The following NBAS variants were observed in gnomAD, a reference collection of about 807,000 sequenced individuals.
The protein encoded by NBAS is NAG/BC035112 fusion.
A neutral mutation model predicts 302.5 loss-of-function variants in NBAS; 219 were observed. The ratio of observed to expected loss-of-function variants is 0.72; its 90% confidence interval spans 0.65 to 0.81. The LOEUF (loss-of-function observed/expected upper bound fraction) is 0.81. NBAS is among the 30% of genes least tolerant of loss of function. The pLI, the probability that NBAS is intolerant of heterozygous loss-of-function variation, is 0.00. For missense variants in NBAS, 2,932 were observed against 2,841.6 expected (o/e 1.03, Z -0.72); for synonymous variants, 1,118 against 1,021.6 (o/e 1.09, Z -1.80).
intron 9 of NBAS, among the ~76,000 whole-genome samples, chr2:15,514,648 T>C (rs1320280653): frequency 1.3e-5 from 2 of 151,274 alleles, no homozygotes; most frequent in South Asian, 2.1e-4. Flanking sequence ...AATATATATA[T>C]TTGTATTAAA....
chr2:15,305,574 C>T (rs1259850706), intron 40 of NBAS, among the ~76,000 whole-genome samples: 1 of 151,836 alleles, frequency 6.6e-6, no homozygotes, highest in African/African-American at 2.4e-5. Context: ...GCCTCAGCCT[C>T]CCCAGTAGTT....
the NBAS span, among the ~76,000 whole-genome samples, chr2:15,144,672 T>G: frequency 2.0e-5 from 3 of 151,942 alleles, no homozygotes; most frequent in Non-Finnish European, 2.9e-5. Context: ...TGCATATCTA[T>G]CCTCTAAAAA....
the NBAS span, among the ~76,000 whole-genome samples, chr2:15,096,192 T>C: frequency 6.6e-6 from 1 of 152,216 alleles, no homozygotes; most frequent in Non-Finnish European, 1.5e-5. Context: ...GTCCTTCACC[T>C]AAGGGTTTTC....
chr2:15,161,340 T>C, the NBAS span, among the ~76,000 whole-genome samples: 1 of 152,174 alleles, frequency 6.6e-6, no homozygotes, highest in Non-Finnish European at 1.5e-5. Flanking sequence ...GAGCAAAATG[T>C]TTCCCGGTTA....
At chr2:14,967,602 A>C in the NBAS span, among the ~76,000 whole-genome samples, 1 of 152,222 alleles carries the variant, frequency 6.6e-6, no homozygotes, top group African/African-American at 2.4e-5. Flanking sequence ...TTAAAACTAA[A>C]ATTTCTTAGA....
the NBAS span, among the ~76,000 whole-genome samples, chr2:15,131,851 G>C: frequency 1.1e-4 from 16 of 152,148 alleles, no homozygotes; most frequent in Non-Finnish European, 1.5e-4. Flanking sequence ...AGCAGAAGCA[G>C]GCACATCACA....
chr2:15,031,902 A>G, the NBAS span, among the ~76,000 whole-genome samples: 2 of 152,208 alleles, frequency 1.3e-5, no homozygotes, highest in African/African-American at 4.8e-5. Flanking sequence ...AAAGCCCAAG[A>G]GACCTCAGCT....
At chr2:15,427,939 T>C (rs1443340837) in intron 21 of NBAS, 145 bp from the exon 22 acceptor site, 34 of 662,094 alleles carry the variant, frequency 5.1e-5, no homozygotes, top group Non-Finnish European at 7.9e-5. Flanking sequence ...AGGATACATA[T>C]TATATACATA....
chr2:15,215,720 G>C lies in NBAS; in HGVS notation c.6432+3053C>G, dbSNP rs141450460. On this transcript the variant is annotated intron_variant, in intron 48 of 51. Transcript: ENST00000281513. Reference sequence around the variant, plus strand: ...TTAATGTGTGTGAGAGAAATGATGAGGGGAGCACAACATCCTCTATCTCCT... The same window carrying C: ...TTAATGTGTGTGAGAGAAATGATGACGGGAGCACAACATCCTCTATCTCCT... 5.9e-5 allele frequency among the ~76,000 whole-genome samples: 9 copies of C among 152,216 alleles called. No homozygotes were observed. The East Asian group carries it at 1.7e-3, about 29-fold the overall frequency.
chr2:15,203,890 T>TTGTG (rs143962413), intron 48 of NBAS, among the ~76,000 whole-genome samples: 20,641 of 129,318 alleles, frequency 0.16, 1,581 homozygotes, highest in Admixed American at 0.22. Context: ...GTGTGTGTGC[T>TTGTG]TGTGTGTGTG....
chr2:15,397,455 G>A (rs1297463230), intron 26 of NBAS: 2 of 484,714 alleles, frequency 4.1e-6, no homozygotes, highest in Non-Finnish European at 7.5e-6. Context: ...TTTGGTGGGG[G>A]TTGTGGGGCA....
At chr2:15,119,794 T>C in the NBAS span, among the ~76,000 whole-genome samples, 1 of 152,154 alleles carries the variant, frequency 6.6e-6, no homozygotes, top group Admixed American at 6.5e-5. Context: ...CAGGATTGAG[T>C]GCCTGCTGGG....
the NBAS span, among the ~76,000 whole-genome samples, chr2:14,875,659 C>T: frequency 6.6e-6 from 1 of 151,836 alleles, no homozygotes; most frequent in African/African-American, 2.4e-5. Flanking sequence ...AAATTAGCCA[C>T]AATAAAATAT....
intron 29 of NBAS, among the ~76,000 whole-genome samples, 165 bp from the exon 30 acceptor site, chr2:15,379,996 T>C (rs1361118688): frequency 6.6e-6 from 1 of 152,154 alleles, no homozygotes; most frequent in Non-Finnish European, 1.5e-5. Flanking sequence ...ACTGTATACT[T>C]TGAAATGGTT....
At chr2:15,134,059 TC>T in the NBAS span, among the ~76,000 whole-genome samples, 3 of 40,520 alleles carry the variant, frequency 7.4e-5, no homozygotes, top group Admixed American at 2.7e-4. Context: ...CATTTCTTTC[TC>T]TCTCTCTCTC....
chr2:14,866,550 G>A, the NBAS span, among the ~76,000 whole-genome samples: 2 of 152,104 alleles, frequency 1.3e-5, no homozygotes, highest in African/African-American at 4.8e-5. Flanking sequence ...TCTCAAGAAC[G>A]CTAAGTGACT....
chr2:15,294,265 T>C (rs1670447965), intron 40 of NBAS, among the ~76,000 whole-genome samples: 1 of 152,130 alleles, frequency 6.6e-6, no homozygotes, highest in Non-Finnish European at 1.5e-5. Context: ...TCAGGTACCA[T>C]ACCAGTAATA....
chr2:15,277,244 A>C, intron 42 of NBAS, 143 bp from the exon 43 acceptor site: 1 of 1,032,400 alleles, frequency 9.7e-7, no homozygotes, highest in Non-Finnish European at 1.4e-6. Context: ...ACCAGAAGCC[A>C]GTCAGCCTGA....
the NBAS span, among the ~76,000 whole-genome samples, chr2:15,142,078 A>T: frequency 6.6e-6 from 1 of 152,224 alleles, no homozygotes; most frequent in Non-Finnish European, 1.5e-5. Flanking sequence ...TGGAATACCC[A>T]TTCATCTCCA....
Sources: allele counts gnomAD v4.1 joint callset (sites outside exome capture counted in the v4.1 genomes callset), GRCh38; gene constraint gnomAD v4.1.1; transcripts MANE v1.5; gene names NCBI Gene and HGNC (gene_info 2026-07-23, HGNC 2026-07-21).